SNAP25: variants seen among roughly 807,000 people sequenced by gnomAD.
The protein encoded by SNAP25 is synaptosomal-associated protein 25.
SNAP25 carries 3 observed loss-of-function variants against 28.7 expected under a neutral mutation model. The ratio of observed to expected loss-of-function variants is 0.10; its 90% CI spans 0.05 to 0.27. The LOEUF is 0.27. SNAP25 is among the 10% of genes least tolerant of loss of function. The probability of loss-of-function intolerance (pLI) is 1.00; values close to 1 mark genes in which losing one functional copy is unlikely to be tolerated. For synonymous variants in SNAP25, 61 were observed against 88.1 expected (o/e 0.69, Z 1.72); for missense variants, 117 against 278.7 (o/e 0.42, Z 4.13).
chr20:10,232,523 C>T (rs1484579881), intron 1 of SNAP25, among the ~76,000 whole-genome samples: 1 of 152,232 alleles, frequency 6.6e-6, no homozygotes, highest in African/African-American at 2.4e-5. Context: ...ATTAAGGAGA[C>T]TTCACAGAAG....
chr20:10,278,071 T>C (rs1353956554), intron 3 of SNAP25: 3 of 179,744 alleles, frequency 1.7e-5, no homozygotes, highest in African/African-American at 7.0e-5. Flanking sequence ...TACATAAAAC[T>C]TTATTTGTAA....
chr20:10,296,031 C>G (rs747949963), intron 5 of SNAP25, among the ~76,000 whole-genome samples: 7 of 152,196 alleles, frequency 4.6e-5, no homozygotes, highest in Non-Finnish European at 7.3e-5. Flanking sequence ...GTTTCAAATC[C>G]TCATGAAGGC....
intron 3 of SNAP25, among the ~76,000 whole-genome samples, chr20:10,281,961 G>A (rs2063784753): frequency 6.6e-6 from 1 of 152,144 alleles, no homozygotes; most frequent in South Asian, 2.1e-4. Context: ...GGTGACCTTA[G>A]AGCACTAGCA....
At chr20:10,243,571 G>A (rs1190194413) in intron 1 of SNAP25, among the ~76,000 whole-genome samples, 1 of 152,138 alleles carries the variant, frequency 6.6e-6, no homozygotes, top group African/African-American at 2.4e-5. Context: ...CCTGTGGAAT[G>A]TCATCCAATC....
chr20:10,260,728 C>A (rs1416521567), intron 1 of SNAP25, among the ~76,000 whole-genome samples: 2 of 151,076 alleles, frequency 1.3e-5, no homozygotes, highest in African/African-American at 4.9e-5. Flanking sequence ...CACACAAACA[C>A]ACACACACAC....
At chr20:10,242,568 C>T (rs754016523) in intron 1 of SNAP25, among the ~76,000 whole-genome samples, 7 of 152,098 alleles carry the variant, frequency 4.6e-5, no homozygotes, top group Non-Finnish European at 1.0e-4. Flanking sequence ...ATAGTGGCCA[C>T]GACTTTACTG....
chr20:10,302,011 C>T (rs1260039688), intron 7 of SNAP25, among the ~76,000 whole-genome samples: 1 of 151,206 alleles, frequency 6.6e-6, no homozygotes, highest in Non-Finnish European at 1.5e-5. Context: ...GGAAGCAAGC[C>T]TATATCAGAG....
chr20:10,235,509 GGT>G (rs1314834689), intron 1 of SNAP25, among the ~76,000 whole-genome samples: 1 of 152,208 alleles, frequency 6.6e-6, no homozygotes, highest in Non-Finnish European at 1.5e-5. Context: ...AATCCCTGTG[GGT>G]GGTGGGATGG....
At chr20:10,266,167 A>G (rs362548) in intron 1 of SNAP25, among the ~76,000 whole-genome samples, 57,464 of 152,028 alleles carry the variant, frequency 0.38, 11,309 homozygotes, top group Middle Eastern at 0.47. Flanking sequence ...GCAAATTCTG[A>G]TGATTCAGAA....
intron 4 of SNAP25, chr20:10,292,836 C>T: frequency 8.2e-7 from 1 of 1,223,296 alleles, no homozygotes; most frequent in South Asian, 1.3e-5. Flanking sequence ...CTGTTGGAGA[C>T]CCCCAAAAAA....
At chr20:10,252,617 G>C (rs193298809) in intron 1 of SNAP25, among the ~76,000 whole-genome samples, 2 of 152,058 alleles carry the variant, frequency 1.3e-5, no homozygotes, top group South Asian at 4.1e-4. Flanking sequence ...GTGTGCATTC[G>C]TTGTATGTTC....
intron 1 of SNAP25, among the ~76,000 whole-genome samples, chr20:10,260,062 TTTGGA>T (rs2063385362): frequency 6.6e-6 from 1 of 152,202 alleles, no homozygotes; most frequent in Non-Finnish European, 1.5e-5. Context: ...TAACCCAGAC[TTTGGA>T]CAGATCTCTT....
chr20:10,301,755 C>T (rs2064241663), intron 7 of SNAP25, among the ~76,000 whole-genome samples: 1 of 151,584 alleles, frequency 6.6e-6, no homozygotes, highest in South Asian at 2.1e-4. Context: ...ATTTTCAATA[C>T]ATCCTCATGG....
chr20:10,256,638 C>T (rs2063323249), intron 1 of SNAP25, among the ~76,000 whole-genome samples: 1 of 152,180 alleles, frequency 6.6e-6, no homozygotes, highest in African/African-American at 2.4e-5. Flanking sequence ...TGTAAATCCA[C>T]TCCTGGGAAT....
chr20:10,278,503 G>T (rs187303599), intron 3 of SNAP25, among the ~76,000 whole-genome samples: 2 of 152,272 alleles, frequency 1.3e-5, no homozygotes, highest in African/African-American at 4.8e-5. Context: ...AGATGAAGTG[G>T]AAAAAGAATG....
chr20:10,291,763 C>A (rs2064003489), intron 4 of SNAP25, among the ~76,000 whole-genome samples: 1 of 152,102 alleles, frequency 6.6e-6, no homozygotes, highest in Non-Finnish European at 1.5e-5. Context: ...TGCCTTTATT[C>A]CAGGAGGCAC....
intron 1 of SNAP25, among the ~76,000 whole-genome samples, chr20:10,273,367 C>T (rs753154266): frequency 1.3e-5 from 2 of 152,176 alleles, no homozygotes; most frequent in Non-Finnish European, 2.9e-5. Flanking sequence ...TTTCTTCAGA[C>T]ATTTACTAGT....
At chr20:10,230,157 A>C (rs746995915) in intron 1 of SNAP25, among the ~76,000 whole-genome samples, 9 of 152,128 alleles carry the variant, frequency 5.9e-5, no homozygotes, top group Non-Finnish European at 1.2e-4. Context: ...TGCTATAGGC[A>C]GGCAGATCCC....
intron 1 of SNAP25, among the ~76,000 whole-genome samples, chr20:10,266,702 T>C (rs1051919322): frequency 6.6e-6 from 1 of 152,172 alleles, no homozygotes; most frequent in Non-Finnish European, 1.5e-5. Context: ...ATAAAAGCAA[T>C]AATGCACTAT....
Sources: allele counts gnomAD v4.1 joint callset (sites outside exome capture counted in the v4.1 genomes callset), GRCh38; gene constraint gnomAD v4.1.1; transcripts MANE v1.5; gene names NCBI Gene and HGNC (gene_info 2026-07-23, HGNC 2026-07-21).